SPOCK3: variants seen among roughly 807,000 people sequenced by gnomAD.
SPOCK3 encodes SPARC (osteonectin), cwcv and kazal like domains proteoglycan 3.
In SPOCK3, 30 loss-of-function variants were observed where a neutral mutation model predicts 56.6. The ratio of observed to expected loss-of-function variants is 0.53; its 90% confidence interval spans 0.40 to 0.72. The LOEUF is 0.72. SPOCK3 is among the 30% of genes least tolerant of loss of function. SPOCK3 has a pLI of 0.00. For missense variants in SPOCK3, 527 were observed against 530.0 expected (o/e 0.99, Z 0.06); for synonymous variants, 196 against 183.3 (o/e 1.07, Z -0.56).
intron 8 of SPOCK3, among the ~76,000 whole-genome samples, chr4:166,752,557 T>C (rs1451612493): frequency 0.012 from 482 of 40,816 alleles, 3 homozygotes; most frequent in African/African-American, 0.062. Context: ...TGTGTGTATA[T>C]ATATATATAT....
At chr4:166,784,409 C>T (rs565430746) in intron 7 of SPOCK3, among the ~76,000 whole-genome samples, 1 of 151,926 alleles carries the variant, frequency 6.6e-6, no homozygotes, top group Non-Finnish European at 1.5e-5. Flanking sequence ...AATCTTAAGA[C>T]AATACCTTAG....
chr4:166,881,406 G>A (rs576955133), intron 6 of SPOCK3, among the ~76,000 whole-genome samples: 7 of 151,722 alleles, frequency 4.6e-5, no homozygotes, highest in Non-Finnish European at 1.0e-4. Context: ...AAAAAGCATA[G>A]AATTGTACAT....
chr4:167,210,313 G>A (rs1734750085), intron 2 of SPOCK3, among the ~76,000 whole-genome samples: 2 of 152,116 alleles, frequency 1.3e-5, no homozygotes, highest in Admixed American at 1.3e-4. Context: ...CATGGACTCT[G>A]TGAGGCCTTC....
In SPOCK3 at chr4:166,912,627, G is replaced by A; in HGVS notation, c.467C>T (p.Ser156Phe). The stretch of plus-strand genomic sequence containing the variant: ...AACTGTAGGTGTCTTTACCTGAAAA[G>A]AGTAGGTATGACCATCTGAACCACA... ...PVCGSDGHTY[S>F]FQCKLEYQAC... The change falls in exon 5 of 11, where the codon TCT becomes TTT. Residue 156 changes from serine to phenylalanine, a missense_variant. Transcript: ENST00000357545. 6.2e-7 allele frequency: 1 copy of A among 1,613,562 alleles called. No individual in the cohort carries two copies.
At chr4:167,099,227 C>T (rs1473965677) in intron 2 of SPOCK3, among the ~76,000 whole-genome samples, 2 of 151,506 alleles carry the variant, frequency 1.3e-5, no homozygotes, top group Admixed American at 6.6e-5. Context: ...CATAAAACTG[C>T]AAGATTTTAA....
chr4:166,930,416 A>G (rs558643410), intron 4 of SPOCK3, among the ~76,000 whole-genome samples: 1 of 152,244 alleles, frequency 6.6e-6, no homozygotes, highest in African/African-American at 2.4e-5. Flanking sequence ...ATTATAAGCA[A>G]CAAGTGTATT....
intron 3 of SPOCK3, among the ~76,000 whole-genome samples, chr4:167,033,443 G>T (rs1354426647): frequency 2.4e-4 from 36 of 150,562 alleles, no homozygotes; most frequent in Admixed American, 2.4e-3. Context: ...TATGGCCAAA[G>T]TAAAGTTCTC....
chr4:167,009,372 TA>T (rs2150141762), intron 3 of SPOCK3, among the ~76,000 whole-genome samples: 1 of 152,152 alleles, frequency 6.6e-6, no homozygotes, highest in South Asian at 2.1e-4. Context: ...AAAATAAACA[TA>T]AAATTGCAAG....
chr4:166,849,064 G>T (rs1579413705), intron 6 of SPOCK3, among the ~76,000 whole-genome samples: 4 of 152,218 alleles, frequency 2.6e-5, no homozygotes, highest in Admixed American at 2.0e-4. Flanking sequence ...TATATTCAGA[G>T]AATTTAGAAA....
intron 3 of SPOCK3, among the ~76,000 whole-genome samples, chr4:167,041,379 T>C (rs907727143): frequency 2.0e-5 from 3 of 152,188 alleles, no homozygotes; most frequent in Non-Finnish European, 4.4e-5. Flanking sequence ...TAAACCATTA[T>C]TAAACTATTA....
intron 6 of SPOCK3, among the ~76,000 whole-genome samples, chr4:166,870,165 C>T (rs1304556658): frequency 4.6e-5 from 7 of 151,998 alleles, no homozygotes; most frequent in Admixed American, 3.9e-4. Flanking sequence ...TCCAGTATCC[C>T]ATTTCAGGGA....
chr4:167,005,828 G>T lies in SPOCK3; in HGVS notation c.236-5365C>A, dbSNP rs139449173. 5.0e-3 allele frequency among the ~76,000 whole-genome samples: 759 copies of T among 152,202 alleles called. 12 individuals are homozygous for T. Among genetic ancestry groups the T allele is most frequent in the African/African-American group, 0.017 (724 of 41,530 alleles). Reference sequence around the variant, plus strand: ...CATTTGATAAAGAAAAGGATACTGTGAATTAATGTAAATTAATTTATGATT... The same window carrying T: ...CATTTGATAAAGAAAAGGATACTGTTAATTAATGTAAATTAATTTATGATT... On this transcript the variant is annotated intron_variant, in intron 3 of 10. Coordinates refer to ENST00000357545, the MANE Select transcript of SPOCK3 (RefSeq NM_001040159.2).
At position 167,234,017 on chromosome 4, in the gene SPOCK3, T is replaced by C; in HGVS notation, c.157A>G (p.Lys53Glu). The change falls in exon 2 of 11, where the codon AAG (lysine) becomes GAG (glutamate). Residue 53 changes from lysine to glutamate, a missense_variant. Transcript: ENST00000357545. ...AATTTGTTCCACTGTCCGACTTCCT[T>C]GTCATACTGAGAGATTGTGGTGAGC... ...QWLTTISQYD[K>E]EVGQWNKFRD... is the part of the protein sequence containing the mutation. 1 of 1,613,990 alleles carries C rather than the reference T, an allele frequency of 6.2e-7. No homozygotes were observed. Among genetic ancestry groups the C allele is most frequent in the East Asian group, 2.2e-5 (1 of 44,822 alleles).
In SPOCK3 at chr4:166,920,613, T is replaced by C. The variant is rs574284397; in HGVS notation, c.351-7870A>G. On this transcript the variant is annotated intron_variant, in intron 4 of 10. Transcript: ENST00000357545. Reference sequence around the variant, plus strand: ...CATAAAAATATGTGATTCTTAAATATCAAGGAGATTCTATATTTGGAAAAA... The same window carrying C: ...CATAAAAATATGTGATTCTTAAATACCAAGGAGATTCTATATTTGGAAAAA... Among the ~76,000 whole-genome samples, 4 of 152,224 alleles carry C rather than the reference T, an allele frequency of 2.6e-5. No individual in the cohort carries two copies. In the East Asian group the frequency reaches 7.7e-4, roughly 29 times the overall value.
At chr4:167,169,546 T>G (rs920664602) in intron 2 of SPOCK3, among the ~76,000 whole-genome samples, 1 of 152,206 alleles carries the variant, frequency 6.6e-6, no homozygotes, top group Admixed American at 6.5e-5. Context: ...CCATTGTATC[T>G]GGGAAGTAAC....
At chr4:166,886,060 T>G (rs1734167336) in intron 6 of SPOCK3, among the ~76,000 whole-genome samples, 1 of 152,140 alleles carries the variant, frequency 6.6e-6, no homozygotes, top group African/African-American at 2.4e-5. Context: ...AATGAACTTT[T>G]GTTTTGCAAG....
chr4:166,925,653 T>C lies in SPOCK3; in HGVS notation c.351-12910A>G, dbSNP rs947358483. On this transcript the variant is annotated intron_variant, in intron 4 of 10. Transcript: ENST00000357545. ...AGCCTTCTTGGTTTCTAGTGAGACA[T>C]CAATTCAACCACTCCAAGGTAAATT... Among the ~76,000 whole-genome samples the C allele has an allele frequency of 2.0e-5, 3 of 151,612 alleles. No individual in the cohort carries two copies. The Admixed American group carries it at 2.0e-4, about 10-fold the overall frequency.
intron 2 of SPOCK3, among the ~76,000 whole-genome samples, chr4:167,124,938 C>A (rs919246606): frequency 2.0e-5 from 3 of 152,096 alleles, no homozygotes; most frequent in Non-Finnish European, 4.4e-5. Flanking sequence ...GCTTGAATGT[C>A]CTCCCTCGGC....
chr4:166,804,058 T>C (rs1742897154), intron 6 of SPOCK3, among the ~76,000 whole-genome samples: 1 of 152,170 alleles, frequency 6.6e-6, no homozygotes, highest in African/African-American at 2.4e-5. Context: ...CTTTTTTTAT[T>C]GGCAAAGGGG....
Sources: allele counts gnomAD v4.1 joint callset (sites outside exome capture counted in the v4.1 genomes callset), GRCh38; gene constraint gnomAD v4.1.1; transcripts MANE v1.5; gene names NCBI Gene and HGNC (gene_info 2026-07-23, HGNC 2026-07-21).